ZNF567: variants seen among roughly 807,000 people sequenced by gnomAD.
The protein encoded by ZNF567 is zinc finger protein 567.
In ZNF567, 36 loss-of-function variants were observed where a neutral mutation model predicts 53.9. The observed-to-expected ratio is 0.67, with a 90% CI of 0.51 to 0.88. ZNF567 has a LOEUF of 0.88. ZNF567 is among the 40% of genes least tolerant of loss of function. ZNF567 has a pLI of 0.00. For missense variants in ZNF567, 619 were observed against 764.7 expected (o/e 0.81, Z 2.25); for synonymous variants, 224 against 260.4 (o/e 0.86, Z 1.35).
downstream of ZNF567, chr19:36,723,126 A>G (rs73929183): frequency 2.5e-3 from 1,787 of 702,526 alleles, 20 homozygotes; most frequent in African/African-American, 0.026. Context: ...ATATGCTAAC[A>G]GTGGTGACTA....
At position 36,712,862 on chromosome 19, in the gene ZNF567, G is replaced by T; in HGVS notation, c.218G>T (p.Cys73Phe). ...EPWTSFAGHT[C>F]LEENWKAEDF... Reference sequence around the variant, plus strand: ...TGGACATCATTTGCAGGTCATACCTGCTTGGGTGAGTTTCTGGCTCTTAGG... The same window carrying T: ...TGGACATCATTTGCAGGTCATACCTTCTTGGGTGAGTTTCTGGCTCTTAGG... Residue 73 changes from cysteine (C) to phenylalanine (F), a missense_variant, in exon 5 of 6, where the codon TGC becomes TTC. Transcript: ENST00000682579. 6.2e-7 allele frequency: 1 copy of T among 1,613,034 alleles called. No individual in the cohort carries two copies. The highest frequency in any genetic ancestry group is 8.5e-7 in the Non-Finnish European group (1 of 1,179,464).
downstream of ZNF567, among the ~76,000 whole-genome samples, chr19:36,721,732 C>CTT (rs756276834): frequency 9.9e-5 from 12 of 121,662 alleles, no homozygotes; most frequent in East Asian, 2.8e-4. Context: ...GTACCAGAGT[C>CTT]TTTTTTTTTT....
At chr19:36,715,381 G>A (rs4806348) in intron 5 of ZNF567, among the ~76,000 whole-genome samples, 47,259 of 149,218 alleles carry the variant, frequency 0.32, 7,757 homozygotes, top group East Asian at 0.57. Flanking sequence ...GGCTGGTCTC[G>A]AACTCCTGAC....
Position 36,720,260 on chromosome 19 carries a change from A to G in ZNF567, c.1536A>G (p.Lys512=). The G allele has an allele frequency of 6.2e-7, 1 of 1,613,752 alleles. No individual in the cohort carries two copies. The highest frequency in any genetic ancestry group is 1.1e-5 in the South Asian group (1 of 91,064). Residue 512 remains lysine (K), a synonymous_variant, in exon 6 of 6, where the codon AAA becomes AAG. Coordinates refer to ENST00000682579, the MANE Select transcript of ZNF567 (RefSeq NM_001322917.1). ...CATATGAATGTAATGAATGTGGTAA[A>G]TCATTCAGTCAAAAGACAAATCTCA... ...EKPYECNECG[K]SFSQKTNLNL...
the ZNF567 span, among the ~76,000 whole-genome samples, chr19:36,667,242 A>T: frequency 3.5e-3 from 529 of 151,574 alleles, 4 homozygotes; most frequent in African/African-American, 0.011. Context: ...GAAACGATTT[A>T]AAAAAAAATT....
At chr19:36,705,351 T>C (rs1018481455) in intron 3 of ZNF567, among the ~76,000 whole-genome samples, 4 of 152,224 alleles carry the variant, frequency 2.6e-5, no homozygotes, top group African/African-American at 9.6e-5. Context: ...CTGTAAGCAC[T>C]ATTTAAAGGG....
At chr19:36,670,093 G>A in the ZNF567 span, among the ~76,000 whole-genome samples, 33 of 152,010 alleles carry the variant, frequency 2.2e-4, no homozygotes, top group Non-Finnish European at 4.4e-4. Flanking sequence ...GCTCTGAACT[G>A]ACCTCAATTC....
intron 5 of ZNF567, among the ~76,000 whole-genome samples, chr19:36,717,911 A>G (rs1048516041): frequency 6.6e-6 from 1 of 152,218 alleles, no homozygotes; most frequent in African/African-American, 2.4e-5. Flanking sequence ...AAAGAGGACT[A>G]GGCATGAGAG....
chr19:36,713,566 TACC>T (rs926572506), intron 5 of ZNF567, among the ~76,000 whole-genome samples: 7 of 152,160 alleles, frequency 4.6e-5, no homozygotes, highest in African/African-American at 1.7e-4. Flanking sequence ...GCTAGGATTA[TACC>T]ACTACACACC....
downstream of ZNF567, among the ~76,000 whole-genome samples, chr19:36,721,732 CTTTTTTTTTTTCT>C (rs1448633347): frequency 1.6e-5 from 2 of 121,652 alleles, no homozygotes; most frequent in African/African-American, 6.0e-5. Context: ...GTACCAGAGT[CTTTTTTTTTTTCT>C]TTTTTTTTTT....
chr19:36,676,834 A>G, the ZNF567 span, among the ~76,000 whole-genome samples: 11 of 152,274 alleles, frequency 7.2e-5, no homozygotes, highest in African/African-American at 2.6e-4. Flanking sequence ...CCTGGGCAAC[A>G]TGGTGAAACT....
In ZNF567 at chr19:36,720,607, A is replaced by C. The variant is rs984131461; in HGVS notation, c.1883A>C (p.Tyr628Ser). Residue 628 changes from tyrosine (Y) to serine (S), a missense_variant, in exon 6 of 6, where the codon TAT becomes TCT. Physicochemically the swap from Tyr to Ser is moderately radical, Grantham distance 144 (BLOSUM62 -2). Transcript: ENST00000682579. ...VCNECGKSFS[Y>S]KRNLIVHQRT... ...AATGAGTGTGGTAAGTCTTTCAGTTATAAGAGAAACCTCATTGTCCATCAA... is the reference window on the plus strand; with the variant it reads ...AATGAGTGTGGTAAGTCTTTCAGTTCTAAGAGAAACCTCATTGTCCATCAA... 4 of 1,595,022 alleles carry C rather than the reference A, an allele frequency of 2.5e-6. No homozygotes were observed. Among genetic ancestry groups the C allele is most frequent in the Non-Finnish European group, 3.4e-6 (4 of 1,171,498 alleles).
In ZNF567 at chr19:36,719,247, G is replaced by C. The variant is rs764893848; in HGVS notation, c.523G>C (p.Glu175Gln). ...GAAATCACTCCTGAGTACTAAACAA[G>C]AGACTACTCATCCTGAAGTCAAATC... is the stretch of plus-strand genomic sequence containing the variant. ...YGKSLLSTKQ[E>Q]TTHPEVKSHN... The change falls in exon 6 of 6, where the codon GAG becomes CAG. Residue 175 changes from glutamate to glutamine, a missense_variant. Transcript: ENST00000682579. 6.2e-7 allele frequency: 1 copy of C among 1,613,822 alleles called. No individual in the cohort carries two copies. The highest frequency in any genetic ancestry group is 1.3e-5 in the African/African-American group (1 of 74,894).
chr19:36,727,382 A>ATT (rs566213603), downstream of ZNF567: 203 of 136,564 alleles, frequency 1.5e-3, no homozygotes, highest in Non-Finnish European at 1.9e-3. Context: ...AAGTAGAGCA[A>ATT]TTTTTTTTTT....
chr19:36,690,177 G>T (rs3108187), intron 2 of ZNF567, among the ~76,000 whole-genome samples: 101,974 of 151,818 alleles, frequency 0.67, 34,576 homozygotes, highest in East Asian at 0.82. Context: ...ATAAATAGGG[G>T]GTGTGTGTGT....
intron 5 of ZNF567, among the ~76,000 whole-genome samples, chr19:36,718,523 T>C (rs1380493079): frequency 6.6e-6 from 1 of 152,080 alleles, no homozygotes; most frequent in Non-Finnish European, 1.5e-5. Flanking sequence ...ATAATTATTA[T>C]AGGTGATCTG....
At chr19:36,673,854 C>T in the ZNF567 span, among the ~76,000 whole-genome samples, 1 of 152,142 alleles carries the variant, frequency 6.6e-6, no homozygotes, top group East Asian at 1.9e-4. Flanking sequence ...GCAGGTGAGG[C>T]ATCAAGAGCT....
chr19:36,682,860 G>A (rs2145472178), upstream of ZNF567, among the ~76,000 whole-genome samples: 1 of 152,010 alleles, frequency 6.6e-6, no homozygotes. Flanking sequence ...GCCCATGTCA[G>A]CCTCCCAAAG....
intron 2 of ZNF567, among the ~76,000 whole-genome samples, chr19:36,692,348 A>T (rs56017514): frequency 1.3e-5 from 2 of 152,116 alleles, no homozygotes; most frequent in Non-Finnish European, 2.9e-5. Context: ...AAGTTGGTGC[A>T]TTGTGTAATG....
Sources: allele counts gnomAD v4.1 joint callset (sites outside exome capture counted in the v4.1 genomes callset), GRCh38; gene constraint gnomAD v4.1.1; transcripts MANE v1.5; gene names NCBI Gene and HGNC (gene_info 2026-07-23, HGNC 2026-07-21).